The following ZBED6 variants were observed in gnomAD, a reference collection of about 807,000 sequenced individuals.
ZBED6 encodes zinc finger BED domain-containing protein 6.
In ZBED6, 40 loss-of-function variants were observed where a neutral mutation model predicts 58.4. That is an observed-to-expected ratio of 0.68 (90% CI 0.53 to 0.89). The LOEUF (loss-of-function observed/expected upper bound fraction) is 0.89, where lower values mean the gene tolerates loss of function less well. Ranked by LOEUF, ZBED6 falls within the 40% of genes least tolerant of loss-of-function variation. The pLI is 0.00. For synonymous variants in ZBED6, 439 were observed against 350.6 expected (o/e 1.25, Z -2.82); for missense variants, 1,057 against 1,003.9 (o/e 1.05, Z -0.71).
chr1:203,833,373 A>AC (rs1683073722), intron 8 of ZBED6, among the ~76,000 whole-genome samples: 1 of 147,792 alleles, frequency 6.8e-6, no homozygotes, highest in Non-Finnish European at 1.5e-5. Flanking sequence ...TCAAAAAAAA[A>AC]AAAAAAAAAA....
chr1:203,844,391 C>T (rs576040423), intron 11 of ZBED6, among the ~76,000 whole-genome samples: 2 of 151,656 alleles, frequency 1.3e-5, no homozygotes, highest in East Asian at 3.9e-4. Flanking sequence ...AACTCCTGAT[C>T]TGCCTCACCT....
At chr1:203,798,153 A>G (rs1446915707) in exon 1 of ZBED6, 1 of 1,536,052 alleles carries the variant, frequency 6.5e-7, no homozygotes, top group Non-Finnish European at 8.7e-7. Flanking sequence ...CTCTTCTGGA[A>G]GCAATGGAAG....
rs373989899 is a variant in ZBED6, at chr1:203,852,230, G to A, written c.*4963G>A. ...TCATCCCAAATGAGCATGAAAACTC[G>A]CCGACTCAGCTCTGCCTCAACAGGA... is the stretch of plus-strand genomic sequence containing the variant. On this transcript the variant is annotated 3_prime_UTR_variant, in exon 17 of 17. Transcript: ENST00000550078. 174 of 1,613,140 alleles carry A rather than the reference G, an allele frequency of 1.1e-4. No homozygotes were observed. The highest frequency in any genetic ancestry group is 1.4e-4 in the Non-Finnish European group (167 of 1,179,770).
chr1:203,852,161 A>G (rs1424721364), exon 17 of ZBED6: 2 of 1,613,422 alleles, frequency 1.2e-6, no homozygotes, highest in African/African-American at 2.7e-5. Flanking sequence ...CCTCCAACCC[A>G]GTCCTCTTCA....
intron 11 of ZBED6, among the ~76,000 whole-genome samples, chr1:203,846,111 T>C (rs6702787): frequency 0.12 from 15,528 of 128,638 alleles, 1,115 homozygotes; most frequent in Non-Finnish European, 0.15. Flanking sequence ...GACCTCGTCT[T>C]TACCAAAAAA....
At chr1:203,800,508 G>A in exon 1 of ZBED6, 1 of 1,434,946 alleles carries the variant, frequency 7.0e-7, no homozygotes, top group Non-Finnish European at 9.1e-7. Flanking sequence ...CTGTGTTACT[G>A]TATCTTAATA....
chr1:203,833,333 C>G lies in ZBED6; in HGVS notation c.*3511-458C>G, dbSNP rs112062158. 6.2e-3 allele frequency among the ~76,000 whole-genome samples: 875 copies of G among 141,528 alleles called. 8 individuals are homozygous for G. Among genetic ancestry groups the G allele is most frequent in the African/African-American group, 0.022 (829 of 37,646 alleles). 92.8% of individuals were successfully genotyped at this position (141,528 alleles called of 152,430 possible). On this transcript the variant is annotated intron_variant, in intron 8 of 16. Coordinates refer to ENST00000550078, the Ensembl canonical transcript of ZBED6. ...TGAGCCGAGATCGGGCCACTGCACT[C>G]TAGCCTGGGCGACAGAGTGAGACTC...
intron 3 of ZBED6, among the ~76,000 whole-genome samples, chr1:203,825,250 A>G (rs1680140952): frequency 6.6e-6 from 1 of 152,112 alleles, no homozygotes; most frequent in Non-Finnish European, 1.5e-5. Context: ...ACAGGAACCC[A>G]ACTCTATTTC....
chr1:203,801,809 T>G (rs1395947936), exon 1 of ZBED6: 1 of 94,488 alleles, frequency 1.1e-5, no homozygotes. Flanking sequence ...GGGTTTTTTT[T>G]GGTTTTGATT....
exon 1 of ZBED6, chr1:203,798,673 C>T (rs1197719566): frequency 6.5e-7 from 1 of 1,536,092 alleles, no homozygotes; most frequent in Admixed American, 2.0e-5. Context: ...AGTCCTATTC[C>T]CGTTGCAGAG....
chr1:203,798,813 C>A (rs1339287797), exon 1 of ZBED6: 2 of 1,535,974 alleles, frequency 1.3e-6, no homozygotes, highest in Non-Finnish European at 1.7e-6. Context: ...TTTCTCAACC[C>A]CAGCCTTTCA....
chr1:203,825,559 C>T (rs1199570635), intron 3 of ZBED6, among the ~76,000 whole-genome samples: 3 of 151,724 alleles, frequency 2.0e-5, no homozygotes, highest in South Asian at 2.1e-4. Flanking sequence ...CTCAGCCTCC[C>T]GCATAGCTGG....
Position 203,829,911 on chromosome 1 carries a change from G to T in ZBED6, c.*3318+15G>T. 2 of 1,595,898 alleles carry T rather than the reference G, an allele frequency of 1.3e-6. No homozygotes were observed. Among genetic ancestry groups the T allele is most frequent in the Non-Finnish European group, 1.7e-6 (2 of 1,163,522 alleles). On this transcript the variant is annotated intron_variant, in intron 6 of 16. Transcript: ENST00000550078. ...TATAAAGCAAGGTAAGAAGAGGCTA[G>T]ATTGGTGCCTCTTATAGCACTGTTG...
intron 1 of ZBED6, chr1:203,805,823 G>A (rs925803898): frequency 1.2e-5 from 11 of 880,032 alleles, no homozygotes; most frequent in Admixed American, 7.1e-5. Context: ...CCATAACTGC[G>A]ACTCAGTGCT....
exon 1 of ZBED6, chr1:203,798,494 C>G (rs1558087010): frequency 6.5e-7 from 1 of 1,536,110 alleles, no homozygotes; most frequent in East Asian, 2.4e-5. Flanking sequence ...CCAACAAAGA[C>G]AGTGGTGCTG....
At chr1:203,828,805 G>A (rs955221952) in intron 4 of ZBED6, among the ~76,000 whole-genome samples, 4 of 152,230 alleles carry the variant, frequency 2.6e-5, no homozygotes, top group South Asian at 2.1e-4. Context: ...TATCAGTTTT[G>A]TGCTAGTGCT....
At chr1:203,800,391 A>G (rs1410163698) in exon 1 of ZBED6, 1 of 1,041,564 alleles carries the variant, frequency 9.6e-7, no homozygotes, top group Non-Finnish European at 1.4e-6. Flanking sequence ...CGATTATTCT[A>G]CGTTGGTTCT....
chr1:203,818,660 G>T (rs1178032410), exon 3 of ZBED6: 2 of 1,614,158 alleles, frequency 1.2e-6, no homozygotes. Context: ...TTTTCGACAG[G>T]TGTGCAGGTT....
chr1:203,815,379 C>CTTTTTT (rs397711285), intron 1 of ZBED6, among the ~76,000 whole-genome samples: 2 of 96,912 alleles, frequency 2.1e-5, no homozygotes, highest in African/African-American at 4.2e-5. Flanking sequence ...CCACACCCAG[C>CTTTTTT]TTTTTTTTTT....
Sources: allele counts gnomAD v4.1 joint callset (sites outside exome capture counted in the v4.1 genomes callset), GRCh38; gene constraint gnomAD v4.1.1; transcripts MANE v1.5; gene names NCBI Gene and HGNC (gene_info 2026-07-23, HGNC 2026-07-21).